Variants in MDGA2 observed in about 807,000 individuals in gnomAD.
MDGA2 encodes MAM domain containing glycosylphosphatidylinositol anchor 2, also known as MAM domain-containing glycosylphosphatidylinositol anchor protein 2.
In MDGA2, 40 loss-of-function variants were observed where a neutral mutation model predicts 117.8. The ratio of observed to expected loss-of-function variants is 0.34; its 90% CI spans 0.26 to 0.44. MDGA2 has a LOEUF of 0.44. MDGA2 is among the 20% of genes least tolerant of loss of function. MDGA2 has a pLI of 1.00. For synonymous variants in MDGA2, 452 were observed against 439.0 expected (o/e 1.03, Z -0.37); for missense variants, 1,123 against 1,250.6 (o/e 0.90, Z 1.54).
chr14:47,290,161 A>T (rs982613774), intron 2 of MDGA2, among the ~76,000 whole-genome samples: 5 of 152,052 alleles, frequency 3.3e-5, no homozygotes, highest in African/African-American at 1.2e-4. Flanking sequence ...CCCTCCCCAG[A>T]ATTCATTCAT....
At chr14:46,848,505 C>T (rs1047925986) in intron 15 of MDGA2, among the ~76,000 whole-genome samples, 18 of 151,942 alleles carry the variant, frequency 1.2e-4, no homozygotes, top group African/African-American at 3.4e-4. Context: ...GCCATTACTT[C>T]AAAGCATTTC....
chr14:47,500,689 A>G (rs900013772), intron 1 of MDGA2, among the ~76,000 whole-genome samples: 11 of 152,092 alleles, frequency 7.2e-5, no homozygotes, highest in African/African-American at 2.7e-4. Context: ...CATGACTACA[A>G]TTGATCAAAA....
intron 1 of MDGA2, among the ~76,000 whole-genome samples, chr14:47,380,953 A>T (rs945995856): frequency 2.0e-4 from 30 of 152,146 alleles, no homozygotes; most frequent in African/African-American, 6.5e-4. Context: ...CCGATGCAAA[A>T]ATCCTCAATA....
intron 1 of MDGA2, among the ~76,000 whole-genome samples, chr14:47,367,558 C>A (rs913395990): frequency 1.3e-5 from 2 of 152,152 alleles, no homozygotes; most frequent in Non-Finnish European, 2.9e-5. Context: ...TTTTGAGTAA[C>A]ACTATCACAA....
chr14:47,354,272 A>C (rs1890944896), intron 1 of MDGA2, among the ~76,000 whole-genome samples: 1 of 152,178 alleles, frequency 6.6e-6, no homozygotes, highest in African/African-American at 2.4e-5. Flanking sequence ...TCTTCTATTC[A>C]ACATATAACC....
Position 46,957,642 on chromosome 14 carries a change from A to G in MDGA2, c.1821T>C (p.Tyr607=). The change falls in exon 9 of 17, where the codon TAT becomes TAC. Residue 607 remains tyrosine, a splice_region_variant and synonymous_variant. Transcript: ENST00000399232. ...REALVQLIVQ[Y]PPAVEPAFLE... is the part of the protein sequence containing the mutation. ...AGAATGCTGGTTCCACTGCAGGGGG[A>G]TCTGTAGAAAAGATATGTAAAAACA... 1 of 1,613,926 alleles carries G rather than the reference A, an allele frequency of 6.2e-7. No individual in the cohort carries two copies. The highest frequency in any genetic ancestry group is 8.5e-7 in the Non-Finnish European group (1 of 1,179,882).
Position 47,281,825 on chromosome 14 carries a change from G to C in MDGA2, c.420+19586C>G, listed in dbSNP as rs564182721. ...TAATCCCAGCACTTTGGGAGACCGA[G>C]GTGAGCCGATCACCTGAGGTCGGAA... On this transcript the variant is annotated intron_variant, in intron 2 of 16. Transcript: ENST00000399232. 3.3e-5 allele frequency among the ~76,000 whole-genome samples: 5 copies of C among 152,216 alleles called. No individual in the cohort carries two copies. In the South Asian group the frequency reaches 1.0e-3, roughly 32 times the overall value.
At chr14:47,634,236 T>A (rs1359890115) in intron 1 of MDGA2, among the ~76,000 whole-genome samples, 1 of 152,150 alleles carries the variant, frequency 6.6e-6, no homozygotes, top group Non-Finnish European at 1.5e-5. Context: ...TCAAAATGAA[T>A]TTTGTATATT....
At chr14:47,383,725 A>G (rs1342881979) in intron 1 of MDGA2, among the ~76,000 whole-genome samples, 1 of 151,980 alleles carries the variant, frequency 6.6e-6, no homozygotes, top group African/African-American at 2.4e-5. Flanking sequence ...GGGTTTCACA[A>G]TGTTGGCCAG....
chr14:47,334,615 T>C (rs1408987358), intron 1 of MDGA2, among the ~76,000 whole-genome samples: 1 of 151,972 alleles, frequency 6.6e-6, no homozygotes, highest in African/African-American at 2.4e-5. Context: ...ATATCTTTAA[T>C]TCTTTCAAGT....
At chr14:47,522,163 A>C (rs1225512983) in intron 1 of MDGA2, among the ~76,000 whole-genome samples, 1 of 152,120 alleles carries the variant, frequency 6.6e-6, no homozygotes, top group Non-Finnish European at 1.5e-5. Flanking sequence ...TGGTTAGAAA[A>C]CTTTGCATTT....
At chr14:47,013,388 C>A (rs1307883821) in intron 8 of MDGA2, among the ~76,000 whole-genome samples, 1 of 152,120 alleles carries the variant, frequency 6.6e-6, no homozygotes, top group Admixed American at 6.6e-5. Context: ...GAGATTGCAG[C>A]AATTCAGTCA....
At chr14:47,335,711 A>T (rs1316394531) in intron 1 of MDGA2, among the ~76,000 whole-genome samples, 2 of 89,620 alleles carry the variant, frequency 2.2e-5, no homozygotes, top group African/African-American at 8.3e-5. Context: ...TATATGTTAC[A>T]CATACACATG....
intron 1 of MDGA2, among the ~76,000 whole-genome samples, chr14:47,555,142 T>C (rs1241570262): frequency 6.6e-6 from 1 of 152,190 alleles, no homozygotes; most frequent in Non-Finnish European, 1.5e-5. Context: ...GCATTACCAA[T>C]GCTTTCTCTG....
chr14:47,143,958 T>C (rs914219293), intron 4 of MDGA2, 120 bp downstream of exon 4: 5 of 594,098 alleles, frequency 8.4e-6, no homozygotes, highest in African/African-American at 1.9e-5. Context: ...CAAGCACACA[T>C]TGGTTTTTGA....
chr14:47,129,513 C>A (rs373617237), intron 5 of MDGA2, among the ~76,000 whole-genome samples: 1 of 148,758 alleles, frequency 6.7e-6, no homozygotes. Flanking sequence ...TGGGTTGGTT[C>A]CAAGTCTTTG....
At chr14:47,456,862 C>T (rs1424206624) in intron 1 of MDGA2, among the ~76,000 whole-genome samples, 4 of 151,708 alleles carry the variant, frequency 2.6e-5, no homozygotes, top group Admixed American at 6.6e-5. Flanking sequence ...CTAGGTCTTA[C>T]TGAATAAATT....
At chr14:47,532,485 C>G (rs1286152700) in intron 1 of MDGA2, among the ~76,000 whole-genome samples, 1 of 152,132 alleles carries the variant, frequency 6.6e-6, no homozygotes, top group East Asian at 1.9e-4. Flanking sequence ...AATAGTTACC[C>G]ATAGGGCCAT....
chr14:46,920,194 T>A, intron 9 of MDGA2, 34 bp from the exon 10 acceptor site: 1 of 1,597,112 alleles, frequency 6.3e-7, no homozygotes, highest in Non-Finnish European at 8.5e-7. Flanking sequence ...ATTTGAATGA[T>A]GACATATTGT....
Sources: allele counts gnomAD v4.1 joint callset (sites outside exome capture counted in the v4.1 genomes callset), GRCh38; gene constraint gnomAD v4.1.1; transcripts MANE v1.5; gene names NCBI Gene and HGNC (gene_info 2026-07-23, HGNC 2026-07-21).